FHIT: variants seen among roughly 807,000 people sequenced by gnomAD.
FHIT encodes fragile histidine triad diadenosine triphosphatase, also known as bis(5'-adenosyl)-triphosphatase.
A neutral mutation model predicts 17.9 loss-of-function variants in FHIT; 19 were observed. That is an observed-to-expected ratio of 1.06 (90% CI 0.74 to 1.56). The LOEUF (loss-of-function observed/expected upper bound fraction) is 1.56. Among genes scored for constraint, FHIT ranks in the 40% most tolerant of loss-of-function variants. The probability of loss-of-function intolerance (pLI) is 0.00; values close to 1 mark genes in which losing one functional copy is unlikely to be tolerated. For missense variants in FHIT, 248 were observed against 189.2 expected (o/e 1.31, Z -1.82); for synonymous variants, 81 against 69.7 (o/e 1.16, Z -0.81).
intron 8 of FHIT, among the ~76,000 whole-genome samples, chr3:59,821,983 T>C (rs1402883280): frequency 6.6e-6 from 1 of 152,120 alleles, no homozygotes; most frequent in African/African-American, 2.4e-5. Context: ...CCAAAGTCCA[T>C]TGTATTATTC....
At chr3:60,520,259 C>G (rs1435351799) in intron 5 of FHIT, among the ~76,000 whole-genome samples, 1 of 151,782 alleles carries the variant, frequency 6.6e-6, no homozygotes, top group Non-Finnish European at 1.5e-5. Context: ...CAAATTGTCA[C>G]AAATGTCCAA....
chr3:60,308,740 C>T (rs932539248), intron 5 of FHIT, among the ~76,000 whole-genome samples: 1 of 152,042 alleles, frequency 6.6e-6, no homozygotes, highest in African/African-American at 2.4e-5. Flanking sequence ...ACCGATGATT[C>T]ACTAAATGTC....
chr3:60,549,374 A>G (rs367996660), intron 4 of FHIT, among the ~76,000 whole-genome samples: 9 of 152,278 alleles, frequency 5.9e-5, no homozygotes, highest in Admixed American at 6.5e-5. Context: ...AATTTATATG[A>G]TATGTTACTT....
chr3:60,242,904 T>A (rs1466329228), intron 5 of FHIT, among the ~76,000 whole-genome samples: 1 of 152,012 alleles, frequency 6.6e-6, no homozygotes, highest in Non-Finnish European at 1.5e-5. Context: ...TCCTTGCTTT[T>A]TGTCAGCATA....
At chr3:59,755,732 T>TGATTCTTAGTGA (rs1385523208) in intron 8 of FHIT, among the ~76,000 whole-genome samples, 1 of 152,194 alleles carries the variant, frequency 6.6e-6, no homozygotes, top group East Asian at 1.9e-4. Context: ...ACCAAACGGC[T>TGATTCTTAGTGA]GATTCTTAGT....
At chr3:59,925,918 G>T (rs1195642447) in intron 7 of FHIT, among the ~76,000 whole-genome samples, 1 of 152,134 alleles carries the variant, frequency 6.6e-6, no homozygotes, top group Admixed American at 6.5e-5. Context: ...TGATAAAAAC[G>T]CTATGAATAG....
At chr3:61,161,829 A>G (rs963633524) in intron 2 of FHIT, among the ~76,000 whole-genome samples, 4 of 152,226 alleles carry the variant, frequency 2.6e-5, no homozygotes, top group African/African-American at 9.6e-5. Context: ...TGAAATTGCC[A>G]TTTGGAACTC....
At chr3:60,494,544 A>G (rs756427562) in intron 5 of FHIT, among the ~76,000 whole-genome samples, 15 of 152,092 alleles carry the variant, frequency 9.9e-5, no homozygotes, top group Non-Finnish European at 2.1e-4. Context: ...CCGTTGCGCT[A>G]TCAAATACTA....
chr3:60,045,421 C>T (rs1448918053), intron 5 of FHIT, among the ~76,000 whole-genome samples: 1 of 151,954 alleles, frequency 6.6e-6, no homozygotes, highest in Non-Finnish European at 1.5e-5. Flanking sequence ...GGAAACTCCC[C>T]CTTACAAAAC....
At chr3:60,109,527 G>T (rs1704580081) in intron 5 of FHIT, among the ~76,000 whole-genome samples, 1 of 152,140 alleles carries the variant, frequency 6.6e-6, no homozygotes, top group African/African-American at 2.4e-5. Flanking sequence ...AACCCTTAGG[G>T]TTTATGTTCC....
intron 2 of FHIT, among the ~76,000 whole-genome samples, chr3:61,119,353 G>T (rs1163459472): frequency 6.6e-6 from 1 of 152,076 alleles, no homozygotes; most frequent in African/African-American, 2.4e-5. Flanking sequence ...GAGCAGCTGG[G>T]ATTACAGCCA....
At chr3:60,579,120 A>T (rs900534378) in intron 4 of FHIT, among the ~76,000 whole-genome samples, 4 of 152,152 alleles carry the variant, frequency 2.6e-5, no homozygotes, top group South Asian at 2.1e-4. Context: ...ATTGCTTAAC[A>T]ATGAGAAGTT....
rs1039958058 is a variant in FHIT at position 60,542,937 on chromosome 3, T to C, written c.-17-5958A>G. Among the ~76,000 whole-genome samples, 23 of 152,192 alleles carry C rather than the reference T, an allele frequency of 1.5e-4. 1 individual carries two copies. The highest frequency in any genetic ancestry group is 5.5e-4 in the African/African-American group (23 of 41,452). ...TTGGAACTTTGTTTATAGTATGAAA[T>C]ACAGAAACGGCTTCATTTTTCTTTT... On this transcript the variant is annotated intron_variant, in intron 4 of 9. Transcript: ENST00000492590.
intron 8 of FHIT, among the ~76,000 whole-genome samples, chr3:59,903,828 T>C (rs1041093157): frequency 2.0e-5 from 3 of 152,274 alleles, no homozygotes; most frequent in East Asian, 3.9e-4. Flanking sequence ...AAGGGATAAG[T>C]TGAAGAGAAG....
At chr3:60,839,469 T>C (rs1702644904) in intron 3 of FHIT, among the ~76,000 whole-genome samples, 1 of 152,210 alleles carries the variant, frequency 6.6e-6, no homozygotes, top group African/African-American at 2.4e-5. Flanking sequence ...AGTGAAGTGC[T>C]TCAGCTTTCC....
intron 4 of FHIT, among the ~76,000 whole-genome samples, chr3:60,815,496 C>G (rs540632862): frequency 6.6e-6 from 1 of 151,984 alleles, no homozygotes; most frequent in Non-Finnish European, 1.5e-5. Context: ...AATAAGGAAA[C>G]CTTTCTCCAT....
At chr3:60,719,215 A>G (rs2041755295) in intron 4 of FHIT, among the ~76,000 whole-genome samples, 2 of 152,210 alleles carry the variant, frequency 1.3e-5, no homozygotes, top group African/African-American at 4.8e-5. Context: ...TACAGGGTAG[A>G]TGATCTAATA....
intron 1 of FHIT, among the ~76,000 whole-genome samples, chr3:61,205,613 A>T (rs1399302169): frequency 6.6e-6 from 1 of 152,190 alleles, no homozygotes; most frequent in African/African-American, 2.4e-5. Context: ...GGCTGCGTAA[A>T]TGTCTTCTTT....
At chr3:60,140,297 C>T (rs543147764) in intron 5 of FHIT, among the ~76,000 whole-genome samples, 24 of 152,146 alleles carry the variant, frequency 1.6e-4, no homozygotes, top group Non-Finnish European at 3.5e-4. Context: ...GAAACCACAG[C>T]TACTCCCCTC....
Sources: allele counts gnomAD v4.1 joint callset (sites outside exome capture counted in the v4.1 genomes callset), GRCh38; gene constraint gnomAD v4.1.1; transcripts MANE v1.5; gene names NCBI Gene and HGNC (gene_info 2026-07-23, HGNC 2026-07-21).